The following DPEP1 variants were observed in gnomAD, a reference collection of about 807,000 sequenced individuals.
DPEP1 encodes dipeptidase 1.
A neutral mutation model predicts 42.3 loss-of-function variants in DPEP1; 50 were observed. The ratio of observed to expected loss-of-function variants is 1.18; its 90% CI spans 0.94 to 1.50. The LOEUF is 1.50. Among genes scored for constraint, DPEP1 ranks in the 40% most tolerant of loss-of-function variants. The pLI, the probability that DPEP1 is intolerant of heterozygous loss-of-function variation, is 0.00. For synonymous variants in DPEP1, 297 were observed against 234.0 expected, an observed-to-expected ratio of 1.27 and a Z score of -2.46; for missense variants, 663 against 553.0, an observed-to-expected ratio of 1.20 and a Z score of -1.99.
chr16:89,623,487 C>T (rs745707364), intron 1 of DPEP1, among the ~76,000 whole-genome samples: 30 of 152,056 alleles, frequency 2.0e-4, no homozygotes, highest in Non-Finnish European at 3.8e-4. Flanking sequence ...TCTGCAAACC[C>T]AACAGAAGGT....
intron 1 of DPEP1, among the ~76,000 whole-genome samples, chr16:89,616,594 C>G (rs2059380876): frequency 6.6e-6 from 1 of 152,220 alleles, no homozygotes; most frequent in East Asian, 1.9e-4. Context: ...GCACTGGGAC[C>G]TGCAGCAGGA....
Position 89,637,459 on chromosome 16 carries a change from C to T in DPEP1, c.769-9C>T. On this transcript the variant is annotated splice_polypyrimidine_tract_variant and intron_variant, in intron 7 of 10. Coordinates refer to ENST00000690203, the MANE Select transcript of DPEP1 (RefSeq NM_001389466.1). ...CTCTCAGCTTCACCCTGTCTTCCTT[C>T]TTGTGCAGAAACAGACAGACAGCCT... 6.2e-7 allele frequency: 1 copy of T among 1,612,846 alleles called. No homozygotes were observed. The highest frequency in any genetic ancestry group is 2.2e-5 in the East Asian group (1 of 44,886).
intron 1 of DPEP1, among the ~76,000 whole-genome samples, chr16:89,625,042 G>T (rs539697899): frequency 1.3e-5 from 2 of 152,192 alleles, no homozygotes; most frequent in African/African-American, 2.4e-5. Flanking sequence ...GCTACTGGGC[G>T]TGGGGCTCTT....
At position 89,636,384 on chromosome 16, in the gene DPEP1, A is replaced by G. The variant is rs1286445077; in HGVS notation, c.358A>G (p.Thr120Ala). 1 of 1,611,978 alleles carries G rather than the reference A, an allele frequency of 6.2e-7. No homozygotes were observed. Among genetic ancestry groups the G allele is most frequent in the East Asian group, 2.2e-5 (1 of 44,860 alleles). ...RMYPETFLYV[T>A]SSAGIRQAFR... The stretch of plus-strand genomic sequence containing the variant: ...GTACCCGGAGACCTTCCTGTATGTC[A>G]CCAGCAGTGCAGGTGGGGTCCTGAC... The change falls in exon 4 of 11, where the codon ACC becomes GCC. Residue 120 changes from threonine to alanine, a missense_variant. Physicochemically the swap from Thr to Ala is moderately conservative, Grantham distance 58 (BLOSUM62 0). Coordinates refer to ENST00000690203, the MANE Select transcript of DPEP1 (RefSeq NM_001389466.1).
rs1272291234 is a variant in DPEP1 at position 89,636,207 on chromosome 16, C to A, written c.238-57C>A. 2.0e-5 allele frequency: 31 copies of A among 1,569,674 alleles called. No homozygotes were observed. In the South Asian group the frequency reaches 3.3e-4, roughly 17 times the overall value. On this transcript the variant is annotated intron_variant, in intron 3 of 10. Coordinates refer to ENST00000690203, the MANE Select transcript of DPEP1 (RefSeq NM_001389466.1). The stretch of plus-strand genomic sequence containing the variant: ...GGGAAACCAGACTCCCACAGGCATG[C>A]GGGGGGTGGGCTGAGACCTGGCTGC...
downstream of DPEP1, chr16:89,640,594 C>T (rs572529131): frequency 4.1e-6 from 4 of 982,272 alleles, no homozygotes; most frequent in East Asian, 3.4e-4. Flanking sequence ...CCCCTCCCAG[C>T]CTGGCTGCTG....
chr16:89,625,953 G>T (rs540245141), intron 1 of DPEP1, among the ~76,000 whole-genome samples: 4 of 152,164 alleles, frequency 2.6e-5, no homozygotes. Flanking sequence ...CCCCCAGGAC[G>T]CCCTCGTGTT....
At chr16:89,639,608 A>C (rs2059729391), downstream of DPEP1, among the ~76,000 whole-genome samples, 1 of 147,990 alleles carries the variant, frequency 6.8e-6, no homozygotes. Flanking sequence ...CCCTGCACGC[A>C]CACCCCCTGC....
At chr16:89,624,570 C>T (rs113588025) in intron 1 of DPEP1, among the ~76,000 whole-genome samples, 18 of 151,714 alleles carry the variant, frequency 1.2e-4, no homozygotes, top group Non-Finnish European at 2.2e-4. Flanking sequence ...AGTCTCACAC[C>T]GTCGCCCGGG....
intron 2 of DPEP1, among the ~76,000 whole-genome samples, chr16:89,631,989 G>A (rs1424418926): frequency 2.0e-5 from 3 of 152,134 alleles, no homozygotes; most frequent in Non-Finnish European, 2.9e-5. Flanking sequence ...AGGGAGGAGG[G>A]AGACATAAAG....
Position 89,636,210 on chromosome 16 carries a change from G to A in DPEP1, c.238-54G>A, listed in dbSNP as rs1037533515. On this transcript the variant is annotated intron_variant, in intron 3 of 10. Transcript: ENST00000690203. ...AAACCAGACTCCCACAGGCATGCGG[G>A]GGGTGGGCTGAGACCTGGCTGCATC... The A allele has an allele frequency of 8.3e-6, 13 of 1,573,898 alleles. No individual in the cohort carries two copies. In the African/African-American group the frequency reaches 1.5e-4, roughly 18 times the overall value.
chr16:89,613,997 G>C lies in DPEP1; in HGVS notation c.-107+278G>C, dbSNP rs200258342. Among the ~76,000 whole-genome samples, 317 of 146,050 alleles carry C rather than the reference G, an allele frequency of 2.2e-3. 1 individual carries two copies. In the East Asian group the frequency reaches 0.076, roughly 35 times the overall value. The stretch of plus-strand genomic sequence containing the variant: ...CTAGGAGGCTGGCACCAGGTGTGTG[G>C]GGCAGGGGACGCGGCTGCTTCCTGG... On this transcript the variant is annotated intron_variant, in intron 1 of 10. Coordinates refer to ENST00000690203, the MANE Select transcript of DPEP1 (RefSeq NM_001389466.1).
chr16:89,627,425 A>C (rs896990938), intron 1 of DPEP1, among the ~76,000 whole-genome samples: 1 of 151,572 alleles, frequency 6.6e-6, no homozygotes, highest in Non-Finnish European at 1.5e-5. Flanking sequence ...TCTACTAAAA[A>C]TACAAAAAAA....
At chr16:89,614,063 G>A (rs373985886) in intron 1 of DPEP1, among the ~76,000 whole-genome samples, 1 of 151,238 alleles carries the variant, frequency 6.6e-6, no homozygotes, top group Non-Finnish European at 1.5e-5. Context: ...GGCAGGGGAC[G>A]CGGCTGCTTC....
chr16:89,640,575 C>A (rs1299264737), downstream of DPEP1: 1 of 982,674 alleles, frequency 1.0e-6, no homozygotes, highest in Non-Finnish European at 1.2e-6. Context: ...AATAATCGTT[C>A]TGTCTGTTCC....
At chr16:89,627,300 G>A (rs999778784) in intron 1 of DPEP1, among the ~76,000 whole-genome samples, 11 of 149,030 alleles carry the variant, frequency 7.4e-5, no homozygotes, top group African/African-American at 2.5e-4. Flanking sequence ...GTCAGATGTG[G>A]GATCAGGCAT....
chr16:89,639,551 A>C (rs1237865609), downstream of DPEP1, among the ~76,000 whole-genome samples: 8 of 89,110 alleles, frequency 9.0e-5, no homozygotes, highest in African/African-American at 2.3e-4. Flanking sequence ...ACACACACAC[A>C]CCCCACACCC....
intron 2 of DPEP1, among the ~76,000 whole-genome samples, chr16:89,631,011 G>A (rs773080519): frequency 2.2e-3 from 342 of 152,182 alleles, no homozygotes; most frequent in Non-Finnish European, 2.2e-3. Flanking sequence ...CCCTGGTCCC[G>A]AAGCTCAGAG....
At position 89,636,379 on chromosome 16, in the gene DPEP1, A is replaced by T; in HGVS notation, c.353A>T (p.Tyr118Phe). ...MCRMYPETFL[Y>F]VTSSAGIRQA... ...CGGATGTACCCGGAGACCTTCCTGT[A>T]TGTCACCAGCAGTGCAGGTGGGGTC... The change falls in exon 4 of 11, where the codon TAT (tyrosine) becomes TTT (phenylalanine). Residue 118 changes from tyrosine to phenylalanine, a missense_variant. Physicochemically the swap from Tyr to Phe is conservative, Grantham distance 22. Coordinates refer to ENST00000690203, the MANE Select transcript of DPEP1 (RefSeq NM_001389466.1). 1 of 1,612,234 alleles carries T rather than the reference A, an allele frequency of 6.2e-7. No individual in the cohort carries two copies. Among genetic ancestry groups the T allele is most frequent in the Non-Finnish European group, 8.5e-7 (1 of 1,179,702 alleles).
Sources: allele counts gnomAD v4.1 joint callset (sites outside exome capture counted in the v4.1 genomes callset), GRCh38; gene constraint gnomAD v4.1.1; transcripts MANE v1.5; gene names NCBI Gene and HGNC (gene_info 2026-07-23, HGNC 2026-07-21).